ADGRL2: variants seen among roughly 807,000 people sequenced by gnomAD.
ADGRL2 encodes adhesion G protein-coupled receptor L2.
ADGRL2 carries 44 observed loss-of-function variants against 157.4 expected under a neutral mutation model. The observed-to-expected ratio is 0.28, with a 90% CI of 0.22 to 0.36. The LOEUF is 0.36. Ranked by LOEUF, ADGRL2 falls within the 10% of genes least tolerant of loss-of-function variation. ADGRL2 has a pLI of 1.00. For missense variants in ADGRL2, 1,510 were observed against 1,768.9 expected (o/e 0.85, Z 2.63); for synonymous variants, 585 against 624.7 (o/e 0.94, Z 0.95).
intron 1 of ADGRL2, among the ~76,000 whole-genome samples, chr1:81,813,738 T>C (rs2090107736): frequency 6.6e-6 from 1 of 151,756 alleles, no homozygotes; most frequent in African/African-American, 2.4e-5. Context: ...AGATATTTCT[T>C]ATCGTAGCTG....
Position 81,990,476 on chromosome 1 carries a change from C to T in ADGRL2, c.3741C>T (p.His1247=), listed in dbSNP as rs1407492685. ...NGNFNNSYSL[H]KGDYNDSVQV... ...ATTTTAACAACAGCTACTCGCTGCA[C>T]AAGGGTGACTATAATGACAGCGTGC... The change falls in exon 24 of 24, where the codon CAC becomes CAT. Residue 1247 remains histidine, a synonymous_variant. Coordinates refer to ENST00000686636, the MANE Select transcript of ADGRL2 (RefSeq NM_001366006.2). The T allele has an allele frequency of 3.7e-6, 6 of 1,614,108 alleles. No individual in the cohort carries two copies. The highest frequency in any genetic ancestry group is 3.3e-5 in the South Asian group (3 of 91,086).
chr1:81,593,344 T>G (rs907968853), intron 3 of ADGRL2, among the ~76,000 whole-genome samples: 3 of 152,226 alleles, frequency 2.0e-5, no homozygotes, highest in Admixed American at 1.3e-4. Flanking sequence ...TGCTCTCCCT[T>G]ACTGGAGCTG....
At chr1:81,925,575 T>G (rs1046252670) in intron 3 of ADGRL2, among the ~76,000 whole-genome samples, 40 of 147,946 alleles carry the variant, frequency 2.7e-4, no homozygotes, top group Non-Finnish European at 5.8e-4. Context: ...AAAAAAAAAG[T>G]AAGCACTTAC....
chr1:81,650,314 G>A (rs2148835430), intron 3 of ADGRL2, among the ~76,000 whole-genome samples: 1 of 152,200 alleles, frequency 6.6e-6, no homozygotes. Flanking sequence ...GCTCACACCT[G>A]TAATCCCAGC....
intron 1 of ADGRL2, among the ~76,000 whole-genome samples, chr1:81,701,767 T>C (rs2083582206): frequency 6.6e-6 from 1 of 152,248 alleles, no homozygotes; most frequent in Admixed American, 6.5e-5. Flanking sequence ...GGAGCACCCA[T>C]TTCTGTTAGA....
chr1:81,508,352 A>G (rs1570323982), intron 2 of ADGRL2, among the ~76,000 whole-genome samples: 1 of 152,154 alleles, frequency 6.6e-6, no homozygotes, highest in African/African-American at 2.4e-5. Context: ...GTTACCTTCT[A>G]TGTTATCATC....
At chr1:81,695,084 C>A (rs2149005302), upstream of ADGRL2, among the ~76,000 whole-genome samples, 1 of 151,962 alleles carries the variant, frequency 6.6e-6, no homozygotes, top group Admixed American at 6.6e-5. Context: ...TTTGGTTATT[C>A]CTATAAAATT....
intron 3 of ADGRL2, among the ~76,000 whole-genome samples, chr1:81,586,657 G>A (rs17106740): frequency 0.12 from 18,410 of 151,908 alleles, 1,803 homozygotes; most frequent in East Asian, 0.34. Context: ...CATCACTTTC[G>A]GCTTGTATGT....
At chr1:81,843,313 A>G (rs895058356) in intron 2 of ADGRL2, among the ~76,000 whole-genome samples, 1 of 152,024 alleles carries the variant, frequency 6.6e-6, no homozygotes, top group African/African-American at 2.4e-5. Context: ...TTGTATTTTT[A>G]GTAGACACGG....
chr1:81,730,522 C>T (rs962595236), intron 1 of ADGRL2, among the ~76,000 whole-genome samples: 2 of 151,928 alleles, frequency 1.3e-5, no homozygotes, highest in Non-Finnish European at 2.9e-5. Context: ...CAGGAGTTCG[C>T]GACCAGCCTA....
intron 2 of ADGRL2, among the ~76,000 whole-genome samples, chr1:81,578,535 C>G (rs774812271): frequency 6.6e-6 from 1 of 152,140 alleles, no homozygotes; most frequent in African/African-American, 2.4e-5. Context: ...GATGCTTCCA[C>G]CACCTAATTT....
chr1:81,802,081 C>T (rs1489699474), intron 1 of ADGRL2, among the ~76,000 whole-genome samples: 2 of 150,160 alleles, frequency 1.3e-5, no homozygotes, highest in African/African-American at 2.4e-5. Context: ...GGAGCTGCGG[C>T]GCTGCCTCCC....
intron 1 of ADGRL2, among the ~76,000 whole-genome samples, chr1:81,344,682 A>AAT (rs535447438): frequency 0.17 from 25,690 of 147,142 alleles, 3,073 homozygotes; most frequent in Middle Eastern, 0.29. Flanking sequence ...AAAAAAAAAA[A>AAT]AAAAAAAAGC....
rs149047753 is a variant in ADGRL2 at position 81,719,909 on chromosome 1, G to T, written c.-143+20101G>T. 6.0e-3 allele frequency among the ~76,000 whole-genome samples: 906 copies of T among 152,082 alleles called. 8 individuals are homozygous for T. Among genetic ancestry groups the T allele is most frequent in the African/African-American group, 0.021 (860 of 41,452 alleles). On this transcript the variant is annotated intron_variant, in intron 1 of 20. Coordinates refer to the ADGRL2 transcript ENST00000359929. ...GTAGTCTATTTTTAAAATGTGATAT[G>T]GGAGAAAACATGATTTTGTGGACTG...
Position 81,958,125 on chromosome 1 carries a change from G to C in ADGRL2, c.2017+2065G>C, listed in dbSNP as rs1167356907. Among the ~76,000 whole-genome samples, 4 of 152,010 alleles carry C rather than the reference G, an allele frequency of 2.6e-5. No individual in the cohort carries two copies. The East Asian group carries it at 7.8e-4, about 30-fold the overall frequency. On this transcript the variant is annotated intron_variant, in intron 11 of 23. Transcript: ENST00000686636. ...ACAAAAAATTAGCCAGGCGTGGTGG[G>C]GGGTGCCTGTAATCCCAGCTACTCA... is the stretch of plus-strand genomic sequence containing the variant.
chr1:81,531,215 A>T (rs1457602137), intron 2 of ADGRL2, among the ~76,000 whole-genome samples: 1 of 152,210 alleles, frequency 6.6e-6, no homozygotes, highest in Non-Finnish European at 1.5e-5. Flanking sequence ...ATTTGAGGAG[A>T]GAAGGACTCT....
In ADGRL2 at chr1:81,326,029, A is replaced by G. The variant is rs1253354526; in HGVS notation, c.-302+19520A>G. Among the ~76,000 whole-genome samples, 6 of 152,228 alleles carry G rather than the reference A, an allele frequency of 3.9e-5. No homozygotes were observed. The East Asian group carries it at 1.2e-3, about 29-fold the overall frequency. ...CAAAAAAACAATTCTTTAGAAATTTAGGAAGATTCTTTAGTGTGGACTATA... is the reference window on the plus strand; with the variant it reads ...CAAAAAAACAATTCTTTAGAAATTTGGGAAGATTCTTTAGTGTGGACTATA... On this transcript the variant is annotated intron_variant, in intron 1 of 24. Coordinates refer to the ADGRL2 transcript ENST00000370721.
rs547093396 is a variant in ADGRL2 at position 81,730,469 on chromosome 1, CT to C, written c.-143+30662del. ...CAGGGCCGGGCACAGTGGCTTATGCCTGTAATCTCTAGGGAGGCCGAGGTGA... is the reference window on the plus strand; with the variant it reads ...CAGGGCCGGGCACAGTGGCTTATGCCGTAATCTCTAGGGAGGCCGAGGTGA... On this transcript the variant is annotated intron_variant, in intron 1 of 20. Coordinates refer to the ADGRL2 transcript ENST00000359929. 5.3e-5 allele frequency among the ~76,000 whole-genome samples: 8 copies of C among 152,218 alleles called. No individual in the cohort carries two copies. In the East Asian group the frequency reaches 1.5e-3, roughly 29 times the overall value.
rs184530572 is a variant in ADGRL2, at chr1:81,901,682, T to A, written c.74-5335T>A. ...AAATGTTTTCAGGAATGGGTTTTTA[T>A]GTCTTTTATAAGATTTATTTAGTGA... On this transcript the variant is annotated intron_variant, in intron 2 of 23. Coordinates refer to ENST00000686636, the MANE Select transcript of ADGRL2 (RefSeq NM_001366006.2). Among the ~76,000 whole-genome samples the A allele has an allele frequency of 6.6e-5, 10 of 152,278 alleles. No homozygotes were observed. In the East Asian group the frequency reaches 1.5e-3, roughly 23 times the overall value.
Sources: allele counts gnomAD v4.1 joint callset (sites outside exome capture counted in the v4.1 genomes callset), GRCh38; gene constraint gnomAD v4.1.1; transcripts MANE v1.5; gene names NCBI Gene and HGNC (gene_info 2026-07-23, HGNC 2026-07-21).